ALDH1A2: variants seen among roughly 807,000 people sequenced by gnomAD.
ALDH1A2 encodes retinal dehydrogenase 2.
ALDH1A2 carries 27 observed loss-of-function variants against 60.3 expected under a neutral mutation model. The ratio of observed to expected loss-of-function variants is 0.45; its 90% confidence interval spans 0.33 to 0.62. The LOEUF (loss-of-function observed/expected upper bound fraction) is 0.62. Ranked by LOEUF, ALDH1A2 falls within the 20% of genes least tolerant of loss-of-function variation. ALDH1A2 has a pLI of 0.02. For synonymous variants in ALDH1A2, 289 were observed against 232.4 expected (o/e 1.24, Z -2.21); for missense variants, 581 against 643.8 (o/e 0.90, Z 1.06).
Position 58,010,804 on chromosome 15 carries a change from C to A in ALDH1A2, c.364-26G>T, listed in dbSNP as rs4646591. On this transcript the variant is annotated intron_variant, in intron 3 of 12. Coordinates refer to ENST00000249750, the MANE Select transcript of ALDH1A2 (RefSeq NM_003888.4). Reference sequence around the variant, plus strand: ...CTGTTGGAAGAGAAATGGAGAGATACTAAGTCCCCAGAACTTTCCAGCGAT... The same window carrying A: ...CTGTTGGAAGAGAAATGGAGAGATAATAAGTCCCCAGAACTTTCCAGCGAT... 1.9e-6 allele frequency: 3 copies of A among 1,611,576 alleles called. No individual in the cohort carries two copies. In the African/African-American group the frequency reaches 4.0e-5, roughly 22 times the overall value.
chr15:58,023,747 T>C lies in ALDH1A2; in HGVS notation c.118-9466A>G, dbSNP rs1895997544. Among the ~76,000 whole-genome samples, 3 of 151,684 alleles carry C rather than the reference T, an allele frequency of 2.0e-5. No homozygotes were observed. The South Asian group carries it at 6.2e-4, about 31-fold the overall frequency. On this transcript the variant is annotated intron_variant, in intron 1 of 12. Coordinates refer to ENST00000249750, the MANE Select transcript of ALDH1A2 (RefSeq NM_003888.4). Reference sequence around the variant, plus strand: ...AGGGCGAAATAGACTGATTCCCAGATAAGCAAAGACTGAAGGAATTCATTA... The same window carrying C: ...AGGGCGAAATAGACTGATTCCCAGACAAGCAAAGACTGAAGGAATTCATTA...
At chr15:57,955,941 TCTC>T (rs1893510468) in intron 12 of ALDH1A2, among the ~76,000 whole-genome samples, 1 of 152,176 alleles carries the variant, frequency 6.6e-6, no homozygotes, top group Non-Finnish European at 1.5e-5. Flanking sequence ...CTCTTTTTCT[TCTC>T]TTCTTCTGAA....
At chr15:57,987,921 A>T (rs1320502189) in intron 7 of ALDH1A2, among the ~76,000 whole-genome samples, 1 of 150,992 alleles carries the variant, frequency 6.6e-6, no homozygotes, top group Non-Finnish European at 1.5e-5. Context: ...AAATGAAGCC[A>T]TTTTTTAGAC....
intron 7 of ALDH1A2, among the ~76,000 whole-genome samples, chr15:57,977,924 GT>G (rs1164600098): frequency 6.6e-6 from 1 of 152,140 alleles, no homozygotes; most frequent in African/African-American, 2.4e-5. Flanking sequence ...TCTCTTCTAA[GT>G]TTTATTCCTG....
chr15:57,958,509 C>G lies in ALDH1A2; in HGVS notation c.1484+2261G>C, dbSNP rs1264519739. The stretch of plus-strand genomic sequence containing the variant: ...TAAGAGGGCAGCCCTCCCCACAGCT[C>G]TCTGTGGGGAGACCTCGTGGGCTAG... On this transcript the variant is annotated intron_variant, in intron 12 of 12. Coordinates refer to ENST00000249750, the MANE Select transcript of ALDH1A2 (RefSeq NM_003888.4). 2.0e-5 allele frequency among the ~76,000 whole-genome samples: 3 copies of G among 152,164 alleles called. No homozygotes were observed. In the East Asian group the frequency reaches 5.8e-4, roughly 29 times the overall value.
In ALDH1A2 at chr15:58,012,730, T is replaced by C. The variant is rs563303127; in HGVS notation, c.363+1128A>G. ...TAAAGGAATCATTTTGTTCCCATAC[T>C]ATGAACAGATTCCTGAGGGGGATGG... On this transcript the variant is annotated intron_variant, in intron 3 of 12. Coordinates refer to ENST00000249750, the MANE Select transcript of ALDH1A2 (RefSeq NM_003888.4). Among the ~76,000 whole-genome samples the C allele has an allele frequency of 2.0e-5, 3 of 152,256 alleles. No individual in the cohort carries two copies. The Middle Eastern group carries it at 0.01, about 518-fold the overall frequency.
intron 1 of ALDH1A2, among the ~76,000 whole-genome samples, chr15:58,037,217 T>C (rs1418969212): frequency 1.3e-5 from 2 of 151,530 alleles, no homozygotes; most frequent in Admixed American, 6.6e-5. Flanking sequence ...AAAACTCATA[T>C]AGGTAGTAGA....
At chr15:57,963,838 C>A in intron 9 of ALDH1A2, 47 bp downstream of exon 9, 1 of 1,601,464 alleles carries the variant, frequency 6.2e-7, no homozygotes, top group Non-Finnish European at 8.6e-7. Flanking sequence ...CAGTTCTGTG[C>A]CAGTCAAGGA....
intron 1 of ALDH1A2, among the ~76,000 whole-genome samples, chr15:58,024,156 T>A (rs1173956174): frequency 1.5e-5 from 2 of 133,992 alleles, no homozygotes; most frequent in African/African-American, 2.6e-5. Context: ...TGTAAAGTAA[T>A]CACACAAAGG....
chr15:57,965,658 T>G, intron 8 of ALDH1A2, 67 bp downstream of exon 8: 8 of 1,129,660 alleles, frequency 7.1e-6, no homozygotes, highest in Non-Finnish European at 1.1e-5. Flanking sequence ...CCATCAAAAG[T>G]GGAGATATAA....
rs1893472416 is a variant in ALDH1A2, at chr15:57,955,089, T to C, written c.*108A>G. ...GGCCTACATGTTATCTTTTCAATCT[T>C]TAAGTAAGGACCGTGGCTCAACTTT... On this transcript the variant is annotated 3_prime_UTR_variant, in exon 13 of 13. Transcript: ENST00000249750. The C allele has an allele frequency of 8.3e-7, 1 of 1,211,550 alleles. No homozygotes were observed. Among genetic ancestry groups the C allele is most frequent in the Non-Finnish European group, 1.2e-6 (1 of 813,106 alleles). The allele number at this position is 1,211,550 out of a possible 1,614,324, so 75.0% of individuals were successfully genotyped here.
At chr15:57,995,184 A>G (rs1419085112) in intron 4 of ALDH1A2, 45 bp from the exon 5 acceptor site, 4 of 1,381,432 alleles carry the variant, frequency 2.9e-6, no homozygotes, top group Admixed American at 1.7e-5. Flanking sequence ...TTAGATTAGG[A>G]AAAAAAATGC....
At chr15:58,014,363 T>C (rs1322034471) in intron 1 of ALDH1A2, 82 bp from the exon 2 acceptor site, 9 of 1,004,004 alleles carry the variant, frequency 9.0e-6, no homozygotes, top group South Asian at 1.3e-5. Context: ...GGAACTACTA[T>C]GGTAATAACA....
At chr15:57,955,525 C>CTTGT (rs1187609215) in intron 12 of ALDH1A2, among the ~76,000 whole-genome samples, 2 of 152,150 alleles carry the variant, frequency 1.3e-5, no homozygotes, top group Admixed American at 6.5e-5. Flanking sequence ...TAAAAGGTGA[C>CTTGT]TTGTTTTCAC....
At chr15:58,014,665 A>T (rs146050658) in intron 1 of ALDH1A2, among the ~76,000 whole-genome samples, 396 of 152,338 alleles carry the variant, frequency 2.6e-3, no homozygotes, top group African/African-American at 9.1e-3. Flanking sequence ...CAAGCCTTAG[A>T]TCCTACTTTC....
At chr15:58,010,899 G>T in intron 3 of ALDH1A2, 121 bp from the exon 4 acceptor site, 1 of 1,281,414 alleles carries the variant, frequency 7.8e-7, no homozygotes, top group Non-Finnish European at 1.1e-6. Flanking sequence ...TGCATACCTG[G>T]TCAACTATGA....
chr15:58,041,131 C>G (rs1474693106), intron 1 of ALDH1A2, among the ~76,000 whole-genome samples: 1 of 151,892 alleles, frequency 6.6e-6, no homozygotes, highest in Non-Finnish European at 1.5e-5. Context: ...GGTTAGATTC[C>G]TTTATAATCT....
rs541031633 is a variant in ALDH1A2, at chr15:57,974,098, C to T, written c.799-8271G>A. Among the ~76,000 whole-genome samples, 17 of 152,128 alleles carry T rather than the reference C, an allele frequency of 1.1e-4. No homozygotes were observed. The South Asian group carries it at 2.9e-3, about 26-fold the overall frequency. Reference sequence around the variant, plus strand: ...AATAGTCAAAATAATGTGATACTTGCGATGCAACAGTCACACAGATTACTG... The same window carrying T: ...AATAGTCAAAATAATGTGATACTTGTGATGCAACAGTCACACAGATTACTG... On this transcript the variant is annotated intron_variant, in intron 7 of 12. Transcript: ENST00000249750.
intron 1 of ALDH1A2, among the ~76,000 whole-genome samples, chr15:58,023,997 G>A (rs998498259): frequency 6.6e-6 from 1 of 152,192 alleles, no homozygotes; most frequent in Non-Finnish European, 1.5e-5. Context: ...GAAGGCTGAG[G>A]CAGGAGAATC....
Sources: gnomAD v4.1 joint callset for allele counts (sites outside exome capture counted in the v4.1 genomes callset) on GRCh38, gnomAD v4.1.1 for gene constraint, MANE v1.5 for transcripts, NCBI Gene and HGNC (gene_info 2026-07-23, HGNC 2026-07-21) for gene names.